Variants in SERPINI1 observed in about 807,000 individuals in gnomAD.
The protein encoded by SERPINI1 is neuroserpin.
In SERPINI1, 19 loss-of-function variants were observed where a neutral mutation model predicts 41.1. The observed-to-expected ratio is 0.46, with a 90% CI of 0.32 to 0.68. The LOEUF is 0.68. SERPINI1 is among the 30% of genes least tolerant of loss of function. The pLI is 0.03. For synonymous variants in SERPINI1, 138 were observed against 156.6 expected (o/e 0.88, Z 0.89); for missense variants, 460 against 479.2 (o/e 0.96, Z 0.37).
At chr3:167,772,964 G>GTGTATATATATA (rs1227381993) in intron 1 of SERPINI1, among the ~76,000 whole-genome samples, 1 of 70,544 alleles carries the variant, frequency 1.4e-5, no homozygotes, top group African/African-American at 7.5e-5. Flanking sequence ...ATATGTATAT[G>GTGTATATATATA]TGTGTATATA....
At chr3:167,799,792 A>C (rs990229537) in intron 5 of SERPINI1, among the ~76,000 whole-genome samples, 1 of 152,144 alleles carries the variant, frequency 6.6e-6, no homozygotes, top group African/African-American at 2.4e-5. Flanking sequence ...TTCTCTAATG[A>C]CCAGTGCTGA....
intron 1 of SERPINI1, among the ~76,000 whole-genome samples, chr3:167,751,593 C>T (rs549810367): frequency 9.2e-5 from 14 of 152,072 alleles, no homozygotes; most frequent in African/African-American, 1.7e-4. Context: ...TAAATTACTC[C>T]GCTAAATATA....
chr3:167,792,586 A>G lies in SERPINI1; in HGVS notation c.482-4A>G. On this transcript the variant is annotated splice_polypyrimidine_tract_variant and splice_region_variant and intron_variant, in intron 3 of 8. Transcript: ENST00000446050. Reference sequence around the variant, plus strand: ...TTTTTATCTATTCATTTTTTCCTAAATAGATCTGGTGAAAGATTTGGTATC... The same window carrying G: ...TTTTTATCTATTCATTTTTTCCTAAGTAGATCTGGTGAAAGATTTGGTATC... 1.2e-6 allele frequency: 2 copies of G among 1,612,518 alleles called. No individual in the cohort carries two copies. Among genetic ancestry groups the G allele is most frequent in the East Asian group, 2.2e-5 (1 of 44,818 alleles).
At chr3:167,760,097 A>G (rs1427805635) in intron 1 of SERPINI1, among the ~76,000 whole-genome samples, 2 of 152,144 alleles carry the variant, frequency 1.3e-5, no homozygotes, top group Non-Finnish European at 2.9e-5. Context: ...GTGTACATAT[A>G]TGAAAATAGA....
chr3:167,785,832 G>C (rs1159226305), intron 1 of SERPINI1, among the ~76,000 whole-genome samples: 1 of 152,170 alleles, frequency 6.6e-6, no homozygotes, highest in East Asian at 1.9e-4. Flanking sequence ...CATGTTAAAT[G>C]CAGTGGTTTC....
intron 5 of SERPINI1, among the ~76,000 whole-genome samples, chr3:167,802,487 A>C (rs1727932814): frequency 1.3e-5 from 2 of 151,348 alleles, no homozygotes; most frequent in African/African-American, 4.9e-5. Flanking sequence ...GACACTTCTC[A>C]AAAGAAGACA....
At chr3:167,757,283 T>C (rs1417800544) in intron 1 of SERPINI1, among the ~76,000 whole-genome samples, 1 of 152,208 alleles carries the variant, frequency 6.6e-6, no homozygotes, top group Non-Finnish European at 1.5e-5. Flanking sequence ...CTTATATCCG[T>C]GGTGTTTGTG....
At chr3:167,795,961 G>A (rs763199779) in intron 5 of SERPINI1, among the ~76,000 whole-genome samples, 7 of 152,030 alleles carry the variant, frequency 4.6e-5, no homozygotes, top group Admixed American at 6.6e-5. Flanking sequence ...ATGTATGTAC[G>A]TGAAAGTACA....
intron 6 of SERPINI1, among the ~76,000 whole-genome samples, chr3:167,821,443 C>T (rs992929576): frequency 6.6e-6 from 1 of 152,180 alleles, no homozygotes; most frequent in Non-Finnish European, 1.5e-5. Flanking sequence ...TACTTCTGGT[C>T]CAGCTGCAGC....
intron 7 of SERPINI1, 142 bp downstream of exon 7, chr3:167,823,214 C>T (rs1028476610): frequency 6.1e-5 from 43 of 707,262 alleles, no homozygotes; most frequent in African/African-American, 1.2e-4. Flanking sequence ...CTGAACCAGC[C>T]GGAATTTTCT....
intron 6 of SERPINI1, among the ~76,000 whole-genome samples, chr3:167,808,513 A>G (rs1711742642): frequency 6.6e-6 from 1 of 152,192 alleles, no homozygotes. Context: ...AGATAGATAT[A>G]TATTAAGATA....
At chr3:167,799,813 T>C (rs1021512522) in intron 5 of SERPINI1, among the ~76,000 whole-genome samples, 4 of 152,370 alleles carry the variant, frequency 2.6e-5, no homozygotes, top group African/African-American at 9.6e-5. Context: ...TGAGCTTTTT[T>C]TCATATGTTT....
At chr3:167,739,336 A>T (rs559799180) in intron 1 of SERPINI1, among the ~76,000 whole-genome samples, 1 of 152,182 alleles carries the variant, frequency 6.6e-6, no homozygotes, top group Non-Finnish European at 1.5e-5. Flanking sequence ...TAATGCACAC[A>T]TTGAGACAGT....
chr3:167,751,620 T>C (rs1726051212), intron 1 of SERPINI1, among the ~76,000 whole-genome samples: 1 of 152,186 alleles, frequency 6.6e-6, no homozygotes, highest in Non-Finnish European at 1.5e-5. Flanking sequence ...TATCAGAGAA[T>C]AGTGTTGAGG....
intron 6 of SERPINI1, among the ~76,000 whole-genome samples, chr3:167,816,831 A>G (rs73036848): frequency 0.012 from 1,874 of 152,216 alleles, 43 homozygotes; most frequent in African/African-American, 0.043. Context: ...TTACTATACA[A>G]CAAAAGTTGA....
At chr3:167,772,295 T>C (rs1248908993) in intron 1 of SERPINI1, among the ~76,000 whole-genome samples, 1 of 152,162 alleles carries the variant, frequency 6.6e-6, no homozygotes, top group African/African-American at 2.4e-5. Context: ...AACTTAGATA[T>C]TTCTATCATA....
At chr3:167,777,492 G>A (rs1347815758) in intron 1 of SERPINI1, among the ~76,000 whole-genome samples, 4 of 152,076 alleles carry the variant, frequency 2.6e-5, no homozygotes, top group Admixed American at 2.6e-4. Context: ...TATTCTTGGA[G>A]GTTTACAGCC....
chr3:167,800,270 T>G (rs1727858648), intron 5 of SERPINI1: 1 of 152,158 alleles, frequency 6.6e-6, no homozygotes, highest in African/African-American at 2.4e-5. Flanking sequence ...ATAAAATATT[T>G]ATGTAAAACA....
chr3:167,784,365 T>A (rs1051936024), intron 1 of SERPINI1, among the ~76,000 whole-genome samples: 2 of 152,212 alleles, frequency 1.3e-5, no homozygotes, highest in Admixed American at 6.5e-5. Context: ...CAAGAGCCTG[T>A]CCTTATAAAT....
Sources: gnomAD v4.1 joint callset for allele counts (sites outside exome capture counted in the v4.1 genomes callset) on GRCh38, gnomAD v4.1.1 for gene constraint, MANE v1.5 for transcripts, NCBI Gene and HGNC (gene_info 2026-07-23, HGNC 2026-07-21) for gene names.